Variants in ACSM5 observed in about 807,000 individuals in gnomAD.
The protein encoded by ACSM5 is acyl-CoA synthetase medium chain family member 5.
Under a neutral mutation model 71.6 loss-of-function variants are expected in ACSM5, and 56 were observed. That is an observed-to-expected ratio of 0.78 (90% CI 0.63 to 0.98). ACSM5 has a LOEUF of 0.98. Among genes scored for constraint, ACSM5 ranks in the 50% least tolerant of loss-of-function variants. The probability of loss-of-function intolerance (pLI) is 0.00; values close to 1 mark genes in which losing one functional copy is unlikely to be tolerated. For synonymous variants in ACSM5, 285 were observed against 281.5 expected, an observed-to-expected ratio of 1.01 and a Z score of -0.12; for missense variants, 723 against 726.0, an observed-to-expected ratio of 1.00 and a Z score of 0.05.
chr16:20,418,033 T>C (rs1236050621), intron 2 of ACSM5, 26 bp from the exon 3 acceptor site: 9 of 1,589,600 alleles, frequency 5.7e-6, no homozygotes, highest in Admixed American at 5.6e-5. Flanking sequence ...TTGCTTCTTT[T>C]TTTTTCTGCC....
chr16:20,419,492 C>T, intron 4 of ACSM5, 57 bp downstream of exon 4: 2 of 1,544,578 alleles, frequency 1.3e-6, no homozygotes, highest in East Asian at 2.3e-5. Context: ...CTTTAAGCAA[C>T]AAAAGATGAA....
intron 7 of ACSM5, among the ~76,000 whole-genome samples, 154 bp from the exon 8 acceptor site, chr16:20,429,524 G>A (rs1379380782): frequency 6.6e-6 from 1 of 152,192 alleles, no homozygotes; most frequent in Non-Finnish European, 1.5e-5. Flanking sequence ...GAGCATGGTT[G>A]CAAAGCCAGT....
intron 5 of ACSM5, among the ~76,000 whole-genome samples, chr16:20,423,373 A>G (rs923979492): frequency 3.3e-5 from 5 of 152,232 alleles, no homozygotes; most frequent in Admixed American, 6.5e-5. Flanking sequence ...CCTCACCTAT[A>G]TAATCCCTAT....
In ACSM5 at chr16:20,419,373, G is replaced by C; in HGVS notation, c.561G>C (p.Gln187His). The C allele has an allele frequency of 6.2e-7, 1 of 1,614,164 alleles. No individual in the cohort carries two copies. The highest frequency in any genetic ancestry group is 8.5e-7 in the Non-Finnish European group (1 of 1,180,020). Residue 187 changes from glutamine to histidine, a missense_variant, in exon 4 of 14, where the codon CAG becomes CAC. Physicochemically the swap from Gln to His is conservative, Grantham distance 24. Coordinates refer to ENST00000331849, the MANE Select transcript of ACSM5 (RefSeq NM_017888.3). ...TCAGTGCCGAATGCCCCTCCCTCCA[G>C]ACCAAGCTGCTGGTGTCAGACAGCA... ...DAISAECPSL[Q>H]TKLLVSDSSR... is the part of the protein sequence containing the mutation.
intron 12 of ACSM5, among the ~76,000 whole-genome samples, chr16:20,438,381 G>C (rs1310427411): frequency 6.6e-6 from 1 of 151,804 alleles, no homozygotes; most frequent in East Asian, 1.9e-4. Context: ...TAGATTTGTA[G>C]ACCTAAAGTC....
Position 20,429,131 on chromosome 16 carries a change from A to G in ACSM5, c.1002-547A>G, listed in dbSNP as rs12927317. ...GTTCCAGCTTTCCTCCCACTTCAAC[A>G]TTCCAAGTAGCTGGGACTACAGGCA... is the stretch of plus-strand genomic sequence containing the variant. On this transcript the variant is annotated intron_variant, in intron 7 of 13. Coordinates refer to ENST00000331849, the MANE Select transcript of ACSM5 (RefSeq NM_017888.3). Among the ~76,000 whole-genome samples the G allele has an allele frequency of 2.6e-5, 4 of 151,948 alleles. No homozygotes were observed. The East Asian group carries it at 5.8e-4, about 22-fold the overall frequency.
intron 2 of ACSM5, among the ~76,000 whole-genome samples, chr16:20,417,301 C>T (rs906810225): frequency 6.6e-6 from 1 of 152,164 alleles, no homozygotes; most frequent in Non-Finnish European, 1.5e-5. Context: ...GGAACCAACC[C>T]TAATGTCTAT....
At chr16:20,417,988 T>G (rs1966860623) in intron 2 of ACSM5, 71 bp from the exon 3 acceptor site, 2 of 1,427,156 alleles carry the variant, frequency 1.4e-6, no homozygotes, top group Non-Finnish European at 1.9e-6. Flanking sequence ...TATAAAACAT[T>G]AAACAGCAAC....
rs1253807890 is a variant in ACSM5 at position 20,411,686 on chromosome 16, G to A, written c.202G>A (p.Glu68Lys). The A allele has an allele frequency of 6.2e-7, 1 of 1,613,778 alleles. No individual in the cohort carries two copies. Among genetic ancestry groups the A allele is most frequent in the East Asian group, 2.2e-5 (1 of 44,864 alleles). The change falls in exon 2 of 14, where the codon GAG (glutamate) becomes AAG (lysine). Residue 68 changes from glutamate (E) to lysine (K), a missense_variant and splice_region_variant. Transcript: ENST00000331849. ...GCTGGATGTGTGGAGTCGGCTGGAA[G>A]AGGTGAAGCCTGTTCTGTCCTAGAG... Reference protein sequence around the residue: ...DVLDVWSRLEEAGHRPPNPAF... With the variant: ...DVLDVWSRLEKAGHRPPNPAF...
rs1967315740 is a variant in ACSM5 at position 20,440,839 on chromosome 16, A to T, written c.*412A>T. 6.3e-6 allele frequency: 1 copy of T among 158,006 alleles called. No individual in the cohort carries two copies. 9.8% of individuals were successfully genotyped at this position (158,006 alleles called of 1,614,324 possible). A position where few individuals can be genotyped will look rare whatever the true frequency, so the allele number is the denominator to read the frequency against. ...TAACCATTTGGCAAAAGTATGCAGG[A>T]ACATAAAATAAAATATCCTTTAGCT... On this transcript the variant is annotated 3_prime_UTR_variant, in exon 14 of 14. Coordinates refer to ENST00000331849, the MANE Select transcript of ACSM5 (RefSeq NM_017888.3).
intron 2 of ACSM5, 34 bp downstream of exon 2, chr16:20,411,722 G>T (rs1408979251): frequency 6.2e-7 from 1 of 1,602,232 alleles, no homozygotes; most frequent in Non-Finnish European, 8.5e-7. Flanking sequence ...TCCATCTGGG[G>T]CATCTGAGGC....
intron 2 of ACSM5, among the ~76,000 whole-genome samples, chr16:20,414,852 C>A (rs8044881): frequency 6.6e-6 from 1 of 151,940 alleles, no homozygotes; most frequent in Non-Finnish European, 1.5e-5. Context: ...AGGAGTATGA[C>A]AGATGAGACT....
intron 6 of ACSM5, among the ~76,000 whole-genome samples, chr16:20,424,699 T>C (rs1966943522): frequency 6.6e-6 from 1 of 152,248 alleles, no homozygotes; most frequent in Non-Finnish European, 1.5e-5. Context: ...TTTGATTCGC[T>C]AGCTGTGTGG....
At chr16:20,430,445 G>A (rs1401988428) in intron 8 of ACSM5, among the ~76,000 whole-genome samples, 1 of 151,898 alleles carries the variant, frequency 6.6e-6, no homozygotes, top group African/African-American at 2.4e-5. Flanking sequence ...TTAGAGATGG[G>A]TTAAGTTCTT....
intron 6 of ACSM5, among the ~76,000 whole-genome samples, chr16:20,425,853 T>C (rs1197556999): frequency 6.6e-6 from 1 of 152,100 alleles, no homozygotes; most frequent in Non-Finnish European, 1.5e-5. Context: ...TTTGGGTTTG[T>C]TCCACATTTT....
intron 3 of ACSM5, 82 bp from the exon 4 acceptor site, chr16:20,419,146 C>A: frequency 1.6e-6 from 2 of 1,286,716 alleles, no homozygotes; most frequent in Non-Finnish European, 2.2e-6. Context: ...CCCTCCCCAG[C>A]CCCTTCCTGC....
At chr16:20,436,446 C>T (rs1213483308) in intron 10 of ACSM5, among the ~76,000 whole-genome samples, 1 of 152,168 alleles carries the variant, frequency 6.6e-6, no homozygotes, top group Non-Finnish European at 1.5e-5. Context: ...TCTCAGCTCA[C>T]TGCAACCTCT....
At chr16:20,435,350 A>G (rs1280131929) in intron 10 of ACSM5, among the ~76,000 whole-genome samples, 2 of 152,152 alleles carry the variant, frequency 1.3e-5, no homozygotes, top group African/African-American at 4.8e-5. Context: ...TCTTTCTTTC[A>G]CTTTATTTAT....
At chr16:20,418,034 T>C (rs375819451) in intron 2 of ACSM5, 25 bp from the exon 3 acceptor site, 3 of 1,590,224 alleles carry the variant, frequency 1.9e-6, no homozygotes, top group Non-Finnish European at 2.6e-6. Context: ...TGCTTCTTTT[T>C]TTTTCTGCCT....
Sources: allele counts gnomAD v4.1 joint callset (sites outside exome capture counted in the v4.1 genomes callset), GRCh38; gene constraint gnomAD v4.1.1; transcripts MANE v1.5; gene names NCBI Gene and HGNC (gene_info 2026-07-23, HGNC 2026-07-21).